PRKG1: variants seen among roughly 807,000 people sequenced by gnomAD.
The protein encoded by PRKG1 is protein kinase cGMP-dependent 1, also known as cGMP-dependent protein kinase 1.
In PRKG1, 35 loss-of-function variants were observed where a neutral mutation model predicts 88.1. The observed-to-expected ratio is 0.40, with a 90% confidence interval of 0.30 to 0.53. The LOEUF (loss-of-function observed/expected upper bound fraction) is 0.53, where lower values mean the gene tolerates loss of function less well. PRKG1 is among the 20% of genes least tolerant of loss of function. The pLI is 0.59. For missense variants in PRKG1, 540 were observed against 839.8 expected (o/e 0.64, Z 4.41); for synonymous variants, 303 against 292.5 (o/e 1.04, Z -0.37).
intron 2 of PRKG1, among the ~76,000 whole-genome samples, chr10:51,226,211 AAAC>A (rs1232699624): frequency 6.6e-6 from 1 of 152,190 alleles, no homozygotes; most frequent in Admixed American, 6.5e-5. Context: ...CTGCAAAAAC[AAAC>A]GAACAAACAG....
chr10:51,212,831 G>A (rs1317059813), intron 2 of PRKG1, among the ~76,000 whole-genome samples: 1 of 152,198 alleles, frequency 6.6e-6, no homozygotes, highest in Non-Finnish European at 1.5e-5. Context: ...GTGCTGGAGA[G>A]GATGTGAAGA....
chr10:51,689,344 CATT>C (rs1841079091), intron 3 of PRKG1, among the ~76,000 whole-genome samples: 1 of 152,060 alleles, frequency 6.6e-6, no homozygotes, highest in South Asian at 2.1e-4. Flanking sequence ...TACATACACA[CATT>C]ATCTATACCT....
At chr10:51,703,078 A>T (rs1841508964) in intron 3 of PRKG1, among the ~76,000 whole-genome samples, 1 of 152,186 alleles carries the variant, frequency 6.6e-6, no homozygotes, top group African/African-American at 2.4e-5. Context: ...ACATTAACTG[A>T]AAAGTATACT....
intron 2 of PRKG1, among the ~76,000 whole-genome samples, chr10:51,414,077 G>T (rs1043751278): frequency 1.3e-5 from 2 of 152,156 alleles, no homozygotes; most frequent in Non-Finnish European, 2.9e-5. Context: ...TTGAAAAAGA[G>T]GATAACAATA....
chr10:51,422,056 A>G (rs1371474704), intron 2 of PRKG1, among the ~76,000 whole-genome samples: 2 of 152,134 alleles, frequency 1.3e-5, no homozygotes, highest in Non-Finnish European at 2.9e-5. Context: ...TGTGCCAGGC[A>G]CCCTTGAGTG....
intron 2 of PRKG1, among the ~76,000 whole-genome samples, chr10:51,323,177 A>C (rs1370269352): frequency 6.6e-6 from 1 of 152,242 alleles, no homozygotes; most frequent in Non-Finnish European, 1.5e-5. Flanking sequence ...TTTTGTGAGC[A>C]TACTATTAGC....
chr10:51,191,798 T>G, intron 2 of PRKG1, among the ~76,000 whole-genome samples: 1 of 151,924 alleles, frequency 6.6e-6, no homozygotes, highest in South Asian at 2.1e-4. Flanking sequence ...CTCAATCTTA[T>G]AAAGAAGATT....
At chr10:51,697,389 T>C (rs1340045327) in intron 3 of PRKG1, 2 of 278,614 alleles carry the variant, frequency 7.2e-6, no homozygotes, top group Non-Finnish European at 1.3e-5. Flanking sequence ...ATTTAAAAAA[T>C]GTAGTTAACA....
chr10:52,038,349 G>A (rs1389678103), intron 5 of PRKG1, among the ~76,000 whole-genome samples: 1 of 151,520 alleles, frequency 6.6e-6, no homozygotes, highest in Non-Finnish European at 1.5e-5. Context: ...GGGGCGCAGA[G>A]ATAAGAGGTC....
chr10:52,211,225 A>G (rs1839963065), intron 9 of PRKG1, among the ~76,000 whole-genome samples: 1 of 152,282 alleles, frequency 6.6e-6, no homozygotes, highest in Non-Finnish European at 1.5e-5. Context: ...CCTGGGCTAC[A>G]GTCCCCACAG....
chr10:51,440,471 A>T (rs1588960238), intron 2 of PRKG1, among the ~76,000 whole-genome samples: 3 of 152,096 alleles, frequency 2.0e-5, no homozygotes, highest in Non-Finnish European at 2.9e-5. Context: ...CTTGGGAACT[A>T]TTAAAATTAG....
chr10:52,192,940 T>C (rs1379172757), intron 9 of PRKG1, among the ~76,000 whole-genome samples: 1 of 152,166 alleles, frequency 6.6e-6, no homozygotes, highest in Non-Finnish European at 1.5e-5. Flanking sequence ...CATGTCACTC[T>C]ACTTCTATTA....
At chr10:51,171,297 G>A (rs1342789510) in intron 2 of PRKG1, among the ~76,000 whole-genome samples, 1 of 152,090 alleles carries the variant, frequency 6.6e-6, no homozygotes, top group African/African-American at 2.4e-5. Context: ...TATTGTATCA[G>A]GGATTGGCTA....
At chr10:51,006,308 C>T (rs1315168473) in intron 1 of PRKG1, among the ~76,000 whole-genome samples, 1 of 152,196 alleles carries the variant, frequency 6.6e-6, no homozygotes, top group Non-Finnish European at 1.5e-5. Flanking sequence ...TGCAAAAATA[C>T]ACACAAAACC....
At chr10:52,101,685 T>C (rs779030515) in intron 7 of PRKG1, among the ~76,000 whole-genome samples, 1 of 152,218 alleles carries the variant, frequency 6.6e-6, no homozygotes, top group Non-Finnish European at 1.5e-5. Context: ...ATAAGACAGC[T>C]GAGACCCAGA....
chr10:51,657,915 GTGTT>G (rs1326653278), intron 3 of PRKG1, among the ~76,000 whole-genome samples: 5 of 152,088 alleles, frequency 3.3e-5, no homozygotes, highest in African/African-American at 9.7e-5. Flanking sequence ...AGCAAACAAA[GTGTT>G]TGTCCAGAAG....
intron 3 of PRKG1, among the ~76,000 whole-genome samples, chr10:51,557,441 G>A (rs1837342788): frequency 6.6e-6 from 1 of 151,902 alleles, no homozygotes; most frequent in African/African-American, 2.4e-5. Context: ...TAGAAAGAGA[G>A]GCTGAAGCTT....
chr10:51,593,058 G>T (rs1447836830), intron 3 of PRKG1, among the ~76,000 whole-genome samples: 1 of 152,130 alleles, frequency 6.6e-6, no homozygotes, highest in African/African-American at 2.4e-5. Context: ...TTAGCGTTTT[G>T]TACTTTTGCT....
intron 2 of PRKG1, among the ~76,000 whole-genome samples, chr10:51,391,854 A>G (rs1476811718): frequency 1.3e-5 from 2 of 152,230 alleles, no homozygotes; most frequent in Non-Finnish European, 2.9e-5. Context: ...CCACTATAGA[A>G]TGTTCTGAAT....
Sources: allele counts gnomAD v4.1 joint callset (sites outside exome capture counted in the v4.1 genomes callset), GRCh38; gene constraint gnomAD v4.1.1; transcripts MANE v1.5; gene names NCBI Gene and HGNC (gene_info 2026-07-23, HGNC 2026-07-21).